Variants in PCDHGA6 observed in about 807,000 individuals in gnomAD.
The protein encoded by PCDHGA6 is protocadherin gamma subfamily A, 6.
PCDHGA6 carries 41 observed loss-of-function variants against 60.6 expected under a neutral mutation model. The ratio of observed to expected loss-of-function variants is 0.68; its 90% CI spans 0.53 to 0.88. The LOEUF is 0.88. Among genes scored for constraint, PCDHGA6 ranks in the 40% least tolerant of loss-of-function variants. PCDHGA6 has a pLI of 0.00. For missense variants in PCDHGA6, 1,312 were observed against 1,203.0 expected, an observed-to-expected ratio of 1.09 and a Z score of -1.34; for synonymous variants, 594 against 524.4, an observed-to-expected ratio of 1.13 and a Z score of -1.81.
chr5:141,400,233 C>T lies in PCDHGA6; in HGVS notation c.2424+23726C>T, dbSNP rs373858401. ...TGATCTCAGTGCTCTTCCTCCTGGCCGTGATTCTGGCCGTTGCCTTGCGCC... is the reference window on the plus strand; with the variant it reads ...TGATCTCAGTGCTCTTCCTCCTGGCTGTGATTCTGGCCGTTGCCTTGCGCC... On this transcript the variant is annotated intron_variant, in intron 1 of 3. Coordinates refer to ENST00000517434, the MANE Select transcript of PCDHGA6 (RefSeq NM_018919.3). 100 of 1,613,988 alleles carry T rather than the reference C, an allele frequency of 6.2e-5. 1 individual carries two copies. The African/African-American group carries it at 1.1e-3, about 18-fold the overall frequency.
At chr5:141,423,050 G>T (rs1434973750) in intron 1 of PCDHGA6, 2 of 1,614,068 alleles carry the variant, frequency 1.2e-6, no homozygotes, top group Admixed American at 1.7e-5. Context: ...CTGTCCTATC[G>T]CCTGCTTAAG....
chr5:141,488,690 G>A (rs1292736219), intron 1 of PCDHGA6, among the ~76,000 whole-genome samples: 1 of 152,186 alleles, frequency 6.6e-6, no homozygotes, highest in African/African-American at 2.4e-5. Flanking sequence ...TCTCCCAGAA[G>A]GACAAGATTT....
At chr5:141,455,438 C>G (rs1350941007) in intron 1 of PCDHGA6, among the ~76,000 whole-genome samples, 1 of 152,082 alleles carries the variant, frequency 6.6e-6, no homozygotes, top group Non-Finnish European at 1.5e-5. Context: ...GAGGAGGTCC[C>G]CATCTACCGC....
intron 3 of PCDHGA6, among the ~76,000 whole-genome samples, chr5:141,509,050 C>T (rs867585045): frequency 1.6e-4 from 25 of 152,304 alleles, no homozygotes; most frequent in Admixed American, 5.2e-4. Flanking sequence ...CCCCCGCCCC[C>T]AGAAAGCTCT....
At chr5:141,452,240 C>G (rs1365703172) in intron 1 of PCDHGA6, among the ~76,000 whole-genome samples, 1 of 152,084 alleles carries the variant, frequency 6.6e-6, no homozygotes, top group Non-Finnish European at 1.5e-5. Flanking sequence ...TTCTTGTGTC[C>G]TTTTGCCATA....
chr5:141,452,951 G>T (rs1397204185), intron 1 of PCDHGA6, among the ~76,000 whole-genome samples: 13 of 152,154 alleles, frequency 8.5e-5, no homozygotes, highest in Admixed American at 8.5e-4. Context: ...GCAATTGGTT[G>T]TCTTTAAACT....
chr5:141,420,415 T>A, intron 1 of PCDHGA6: 1 of 1,217,296 alleles, frequency 8.2e-7, no homozygotes, highest in Non-Finnish European at 1.1e-6. Context: ...TTATCATTAT[T>A]AAAACAAAAG....
intron 2 of PCDHGA6, among the ~76,000 whole-genome samples, chr5:141,499,083 C>G (rs2099789346): frequency 6.6e-6 from 1 of 152,082 alleles, no homozygotes; most frequent in African/African-American, 2.4e-5. Flanking sequence ...GAAGTTCCTG[C>G]TTGGCACATG....
chr5:141,451,812 C>G (rs974567828), intron 1 of PCDHGA6, among the ~76,000 whole-genome samples: 1 of 149,686 alleles, frequency 6.7e-6, no homozygotes, highest in Non-Finnish European at 1.5e-5. Flanking sequence ...ACCCAGGAGG[C>G]GGAGGTTACA....
chr5:141,424,295 C>T (rs1481053072), intron 1 of PCDHGA6: 1 of 152,526 alleles, frequency 6.6e-6, no homozygotes, highest in East Asian at 1.9e-4. Flanking sequence ...TTTCTTCATC[C>T]TATCAACACA....
intron 1 of PCDHGA6, chr5:141,413,532 A>C (rs1269070438): frequency 9.9e-6 from 16 of 1,613,788 alleles, no homozygotes; most frequent in Non-Finnish European, 1.2e-5. Context: ...ACAGGGTGAA[A>C]CTTTTTGGGA....
chr5:141,391,083 G>A (rs974357992), intron 1 of PCDHGA6: 1 of 152,152 alleles, frequency 6.6e-6, no homozygotes, highest in East Asian at 1.9e-4. Context: ...ATGTGTAACT[G>A]CCTTATCTGC....
At chr5:141,423,617 A>T (rs1426014397) in intron 1 of PCDHGA6, 3 of 1,608,486 alleles carry the variant, frequency 1.9e-6, no homozygotes, top group Admixed American at 1.7e-5. Flanking sequence ...ATAGCTGAAG[A>T]CTCAGCTATC....
intron 1 of PCDHGA6, chr5:141,403,573 C>G: frequency 6.2e-7 from 1 of 1,613,946 alleles, no homozygotes; most frequent in South Asian, 1.1e-5. Context: ...AGGCAACTGC[C>G]CACCACCTGG....
rs750510871 is a variant in PCDHGA6, at chr5:141,374,688, G to C, written c.605G>C (p.Arg202Pro). Reference protein sequence around the residue: ...PELVLEGTLDREGEAVYRLVL... With the variant: ...PELVLEGTLDPEGEAVYRLVL... ...CTGGTGCTGGAGGGCACACTGGACC[G>C]GGAAGGAGAAGCCGTTTACCGCCTG... Residue 202 changes from arginine to proline, a missense_variant, in exon 1 of 4, where the codon CGG becomes CCG. Physicochemically the swap from Arg to Pro is moderately radical, Grantham distance 103. Coordinates refer to ENST00000517434, the MANE Select transcript of PCDHGA6 (RefSeq NM_018919.3). The C allele has an allele frequency of 1.9e-6, 3 of 1,609,410 alleles. No individual in the cohort carries two copies. The highest frequency in any genetic ancestry group is 1.7e-5 in the Admixed American group (1 of 59,070).
chr5:141,410,402 A>G, intron 1 of PCDHGA6: 1 of 1,614,008 alleles, frequency 6.2e-7, no homozygotes, highest in South Asian at 1.1e-5. Flanking sequence ...TCTCTGTGTC[A>G]AGTCTGGACC....
At chr5:141,382,912 C>T in intron 1 of PCDHGA6, 1 of 1,552,240 alleles carries the variant, frequency 6.4e-7, no homozygotes, top group South Asian at 1.2e-5. Context: ...GGCGGCTCAG[C>T]CGAGGGGCGG....
At chr5:141,450,679 G>A (rs2098690217) in intron 1 of PCDHGA6, among the ~76,000 whole-genome samples, 2 of 151,914 alleles carry the variant, frequency 1.3e-5, no homozygotes, top group Non-Finnish European at 2.9e-5. Context: ...TAGAAACGGG[G>A]TTTTGCCATG....
chr5:141,382,075 C>T (rs1474505918), intron 1 of PCDHGA6, among the ~76,000 whole-genome samples: 3 of 151,956 alleles, frequency 2.0e-5, no homozygotes, highest in Non-Finnish European at 4.4e-5. Flanking sequence ...GTGATCCGCC[C>T]GCCTCGGCCT....
Sources: allele counts gnomAD v4.1 joint callset (sites outside exome capture counted in the v4.1 genomes callset), GRCh38; gene constraint gnomAD v4.1.1; transcripts MANE v1.5; gene names NCBI Gene and HGNC (gene_info 2026-07-23, HGNC 2026-07-21).